ATP13A5: variants seen among roughly 807,000 people sequenced by gnomAD.
ATP13A5 encodes the protein ATPase 13A5.
ATP13A5 carries 149 observed loss-of-function variants against 150.2 expected under a neutral mutation model. The ratio of observed to expected loss-of-function variants is 0.99; its 90% CI spans 0.87 to 1.14. ATP13A5 has a LOEUF of 1.14. Among genes scored for constraint, ATP13A5 ranks in the 50% most tolerant of loss-of-function variants. The pLI is 0.00. For missense variants in ATP13A5, 1,383 were observed against 1,449.3 expected, an observed-to-expected ratio of 0.95 and a Z score of 0.74; for synonymous variants, 497 against 522.2, an observed-to-expected ratio of 0.95 and a Z score of 0.66.
chr3:193,322,143 G>A (rs1719303604), intron 15 of ATP13A5, among the ~76,000 whole-genome samples: 1 of 152,126 alleles, frequency 6.6e-6, no homozygotes, highest in Non-Finnish European at 1.5e-5. Flanking sequence ...CAGGACTCTT[G>A]AAACTCTTTC....
chr3:193,363,632 C>T (rs1713126804), intron 2 of ATP13A5, among the ~76,000 whole-genome samples: 6 of 152,140 alleles, frequency 3.9e-5, no homozygotes, highest in Admixed American at 3.9e-4. Context: ...ATTTGATAAC[C>T]ACTGTGCTAG....
At chr3:193,298,998 T>C (rs556955698) in intron 25 of ATP13A5, 133 bp downstream of exon 25, 1 of 687,790 alleles carries the variant, frequency 1.5e-6, no homozygotes, top group Admixed American at 3.4e-5. Flanking sequence ...CCAATATCAC[T>C]TTTAAAAAAT....
intron 27 of ATP13A5, among the ~76,000 whole-genome samples, chr3:193,283,465 G>T (rs966393630): frequency 6.6e-6 from 1 of 152,136 alleles, no homozygotes; most frequent in Non-Finnish European, 1.5e-5. Context: ...CACAGAAGAA[G>T]AAATTGCTAA....
At chr3:193,374,471 C>T (rs1228794668) in intron 1 of ATP13A5, among the ~76,000 whole-genome samples, 3 of 152,034 alleles carry the variant, frequency 2.0e-5, no homozygotes, top group African/African-American at 4.8e-5. Context: ...AGGGAGACCT[C>T]GTCTCTACTG....
At chr3:193,312,605 G>A (rs534917571) in intron 19 of ATP13A5, 1 of 152,288 alleles carries the variant, frequency 6.6e-6, no homozygotes. Flanking sequence ...TCTGATGAAT[G>A]CCTGTGCATT....
At chr3:193,301,669 T>C (rs115886314) in intron 23 of ATP13A5, among the ~76,000 whole-genome samples, 95 of 152,296 alleles carry the variant, frequency 6.2e-4, no homozygotes, top group African/African-American at 2.2e-3. Context: ...AGGTGCAAAA[T>C]GTCAAGCATT....
intron 25 of ATP13A5, among the ~76,000 whole-genome samples, chr3:193,290,900 C>T (rs1247215684): frequency 6.6e-6 from 1 of 152,152 alleles, no homozygotes; most frequent in Non-Finnish European, 1.5e-5. Context: ...AATTTAAAGA[C>T]TGATATTGTA....
chr3:193,303,569 T>C (rs1390101329), intron 23 of ATP13A5, among the ~76,000 whole-genome samples: 2 of 152,128 alleles, frequency 1.3e-5, no homozygotes, highest in African/African-American at 2.4e-5. Context: ...TGTATATATG[T>C]AAAGGAGATA....
intron 23 of ATP13A5, among the ~76,000 whole-genome samples, chr3:193,304,944 T>C (rs1718551173): frequency 6.6e-6 from 1 of 152,120 alleles, no homozygotes; most frequent in Non-Finnish European, 1.5e-5. Context: ...ACTGCCACTT[T>C]AAAATTCATC....
At chr3:193,322,942 G>C (rs1351890320) in intron 14 of ATP13A5, among the ~76,000 whole-genome samples, 1 of 152,116 alleles carries the variant, frequency 6.6e-6, no homozygotes, top group Admixed American at 6.5e-5. Context: ...GTTAGGACTG[G>C]GTCCTGAGAT....
At chr3:193,352,689 TG>T (rs556334554) in intron 6 of ATP13A5, among the ~76,000 whole-genome samples, 105 of 152,300 alleles carry the variant, frequency 6.9e-4, no homozygotes, top group African/African-American at 2.4e-3. Context: ...GGGAAATCTT[TG>T]TATGTTCCAC....
chr3:193,289,326 T>C (rs1011652987), intron 26 of ATP13A5, among the ~76,000 whole-genome samples: 61 of 152,096 alleles, frequency 4.0e-4, no homozygotes, highest in Non-Finnish European at 8.4e-4. Flanking sequence ...ATACCATCAA[T>C]TCACATTTTA....
chr3:193,275,416 T>A (rs1484877505), intron 29 of ATP13A5, 114 bp from the exon 30 acceptor site: 1 of 1,203,070 alleles, frequency 8.3e-7, no homozygotes, highest in African/African-American at 1.5e-5. Context: ...GTGTGCTCAT[T>A]GCTGTTGCAT....
At chr3:193,285,660 C>CT (rs2108822070) in intron 26 of ATP13A5, among the ~76,000 whole-genome samples, 1 of 152,204 alleles carries the variant, frequency 6.6e-6, no homozygotes, top group Admixed American at 6.5e-5. Flanking sequence ...TCAGTCTTAC[C>CT]TTTTGCCACT....
intron 1 of ATP13A5, among the ~76,000 whole-genome samples, chr3:193,371,791 T>C (rs4687414): frequency 0.94 from 143,106 of 152,230 alleles, 67,324 homozygotes; most frequent in East Asian, 0.97. Flanking sequence ...ATGAGTCACC[T>C]GATTAGGTCA....
intron 7 of ATP13A5, among the ~76,000 whole-genome samples, chr3:193,349,489 A>T (rs987123704): frequency 1.8e-5 from 1 of 54,676 alleles, no homozygotes; most frequent in African/African-American, 6.1e-5. Context: ...AAAGGAAAGC[A>T]GAAATATATT....
chr3:193,313,910 A>T, intron 19 of ATP13A5, 123 bp downstream of exon 19: 1 of 1,175,992 alleles, frequency 8.5e-7, no homozygotes. Context: ...AAACTGTCAA[A>T]CTCTGGACAG....
intron 21 of ATP13A5, among the ~76,000 whole-genome samples, chr3:193,308,068 G>A (rs1319999760): frequency 6.6e-6 from 1 of 152,140 alleles, no homozygotes; most frequent in Non-Finnish European, 1.5e-5. Flanking sequence ...TAAAAACAGA[G>A]TTATGAAATC....
Position 193,351,133 on chromosome 3 carries a change from T to G in ATP13A5, c.675A>C (p.Glu225Asp), listed in dbSNP as rs200019739. Residue 225 changes from glutamate to aspartate, a missense_variant, in exon 7 of 30, where the codon GAA becomes GAC. This residue lies in a region of ATP13A5 where 787 missense variants were observed against 771.9 expected (regional missense o/e 1.02). Coordinates refer to ENST00000342358, the MANE Select transcript of ATP13A5 (RefSeq NM_198505.4). ...TCAAAATGATGATGGCCACAGAGTA[T>G]TCTATGTAACCTTGAGACAGCCACA... is the stretch of plus-strand genomic sequence containing the variant. ...LTLWLSQGYI[E>D]YSVAIIILTV... is the part of the protein sequence containing the mutation. The G allele has an allele frequency of 3.5e-5, 56 of 1,613,730 alleles. No individual in the cohort carries two copies. The Middle Eastern group carries it at 4.9e-4, about 14-fold the overall frequency.
Sources: allele counts gnomAD v4.1 joint callset (sites outside exome capture counted in the v4.1 genomes callset), GRCh38; gene constraint gnomAD v4.1.1; regional missense constraint gnomAD v4.1.1; transcripts MANE v1.5; gene names NCBI Gene and HGNC (gene_info 2026-07-23, HGNC 2026-07-21).